Variants in COP1 observed in about 807,000 individuals in gnomAD.
COP1 encodes COP1 E3 ubiquitin ligase.
In COP1, 24 loss-of-function variants were observed where a neutral mutation model predicts 101.3. The ratio of observed to expected loss-of-function variants is 0.24; its 90% confidence interval spans 0.17 to 0.33. The LOEUF (loss-of-function observed/expected upper bound fraction) is 0.33. Ranked by LOEUF, COP1 falls within the 10% of genes least tolerant of loss-of-function variation. The probability of loss-of-function intolerance (pLI) is 1.00; values close to 1 mark genes in which losing one functional copy is unlikely to be tolerated. For synonymous variants in COP1, 347 were observed against 341.9 expected (o/e 1.01, Z -0.17); for missense variants, 663 against 906.2 (o/e 0.73, Z 3.45).
chr1:176,130,810 C>T (rs1688758263), intron 8 of COP1, among the ~76,000 whole-genome samples: 1 of 151,666 alleles, frequency 6.6e-6, no homozygotes, highest in Non-Finnish European at 1.5e-5. Flanking sequence ...GATTACAGTA[C>T]AGCATGGAAA....
intron 2 of COP1, among the ~76,000 whole-genome samples, chr1:176,181,163 C>A (rs1697693517): frequency 6.6e-6 from 1 of 152,046 alleles, no homozygotes; most frequent in South Asian, 2.1e-4. Context: ...GAAAGAAGTT[C>A]CTGCTATATT....
At chr1:176,039,940 T>A (rs1670228387) in intron 14 of COP1, among the ~76,000 whole-genome samples, 1 of 151,988 alleles carries the variant, frequency 6.6e-6, no homozygotes, top group South Asian at 2.1e-4. Flanking sequence ...ATATAGGAGC[T>A]TAAAACTATA....
chr1:175,980,048 T>A (rs1655439035), intron 18 of COP1, among the ~76,000 whole-genome samples: 1 of 152,164 alleles, frequency 6.6e-6, no homozygotes, highest in Non-Finnish European at 1.5e-5. Flanking sequence ...ACACTTTATG[T>A]GCATCACCAC....
chr1:176,096,058 CA>C (rs1346780245), intron 9 of COP1, among the ~76,000 whole-genome samples: 1 of 152,108 alleles, frequency 6.6e-6, no homozygotes, highest in Non-Finnish European at 1.5e-5. Context: ...CCTTTTTACC[CA>C]ATAAATTCCA....
At chr1:176,173,091 C>T (rs1696336101) in intron 3 of COP1, among the ~76,000 whole-genome samples, 1 of 151,954 alleles carries the variant, frequency 6.6e-6, no homozygotes, top group Non-Finnish European at 1.5e-5. Flanking sequence ...GGTGGGTGAT[C>T]ACGAGGTCAG....
chr1:176,000,274 T>C (rs1017124477), intron 15 of COP1, among the ~76,000 whole-genome samples: 1 of 152,120 alleles, frequency 6.6e-6, no homozygotes, highest in African/African-American at 2.4e-5. Context: ...TTGATTTTCA[T>C]ATATGGTGAC....
At chr1:175,993,841 C>T (rs925230530) in intron 15 of COP1, among the ~76,000 whole-genome samples, 4 of 152,174 alleles carry the variant, frequency 2.6e-5, no homozygotes, top group African/African-American at 4.8e-5. Flanking sequence ...TCCAGGAGAA[C>T]TTCCCCAATC....
At chr1:176,067,696 GGT>G (rs1676245448) in intron 11 of COP1, among the ~76,000 whole-genome samples, 1 of 152,136 alleles carries the variant, frequency 6.6e-6, no homozygotes, top group African/African-American at 2.4e-5. Flanking sequence ...CAATTTTTCT[GGT>G]ACACCAAGAC....
intron 5 of COP1, among the ~76,000 whole-genome samples, chr1:176,154,503 G>A (rs1156249987): frequency 2.0e-5 from 3 of 152,118 alleles, no homozygotes; most frequent in Non-Finnish European, 4.4e-5. Context: ...AATGAAGCCA[G>A]AAACCATTAT....
chr1:176,134,330 A>G (rs1016978655), intron 8 of COP1, among the ~76,000 whole-genome samples: 4 of 152,082 alleles, frequency 2.6e-5, no homozygotes, highest in Non-Finnish European at 4.4e-5. Flanking sequence ...CATTTCAAGC[A>G]TAAAAATTCA....
At chr1:176,188,907 A>G (rs183291513) in intron 1 of COP1, among the ~76,000 whole-genome samples, 1 of 152,086 alleles carries the variant, frequency 6.6e-6, no homozygotes, top group Non-Finnish European at 1.5e-5. Context: ...GAAATGTTCT[A>G]ACATACATGT....
chr1:176,130,955 C>T (rs1688781600), intron 8 of COP1, among the ~76,000 whole-genome samples: 2 of 151,722 alleles, frequency 1.3e-5, no homozygotes, highest in African/African-American at 4.8e-5. Flanking sequence ...AGGGAAATGG[C>T]ATCTGAAAAA....
At chr1:176,064,930 C>T (rs957392308) in intron 11 of COP1, among the ~76,000 whole-genome samples, 3 of 152,080 alleles carry the variant, frequency 2.0e-5, no homozygotes, top group African/African-American at 7.2e-5. Flanking sequence ...GCCTCCTTCC[C>T]TTTTTCAAGC....
At chr1:175,995,694 C>G (rs573136191) in intron 15 of COP1, among the ~76,000 whole-genome samples, 314 of 152,238 alleles carry the variant, frequency 2.1e-3, no homozygotes, top group African/African-American at 7.1e-3. Context: ...AAGACTAAAC[C>G]AGGAAGAAAT....
At chr1:175,980,651 A>C (rs890092393) in intron 18 of COP1, among the ~76,000 whole-genome samples, 5 of 151,910 alleles carry the variant, frequency 3.3e-5, no homozygotes, top group Admixed American at 2.0e-4. Flanking sequence ...GTCTCAAGCC[A>C]CAACAGAAAA....
chr1:176,206,086 C>T (rs1013873176), intron 1 of COP1, among the ~76,000 whole-genome samples: 3 of 152,180 alleles, frequency 2.0e-5, no homozygotes, highest in Non-Finnish European at 2.9e-5. Flanking sequence ...ATGTTTACAG[C>T]ATCATCTACC....
intron 1 of COP1, 90 bp downstream of exon 1, chr1:176,206,482 A>T: frequency 1.4e-6 from 2 of 1,480,362 alleles, no homozygotes; most frequent in Middle Eastern, 1.8e-4. Context: ...CTCTCCAACA[A>T]GCCACCCCCA....
chr1:176,189,582 T>C (rs963853896), intron 1 of COP1, among the ~76,000 whole-genome samples: 1 of 151,968 alleles, frequency 6.6e-6, no homozygotes, highest in Middle Eastern at 3.2e-3. Flanking sequence ...TACTACAAGA[T>C]ATATTAATGT....
At chr1:176,154,785 A>G (rs1378093066) in intron 5 of COP1, among the ~76,000 whole-genome samples, 1 of 152,210 alleles carries the variant, frequency 6.6e-6, no homozygotes, top group African/African-American at 2.4e-5. Flanking sequence ...CCTGAACTTA[A>G]AAGTTAAATA....
Sources: gnomAD v4.1 joint callset for allele counts (sites outside exome capture counted in the v4.1 genomes callset) on GRCh38, gnomAD v4.1.1 for gene constraint, MANE v1.5 for transcripts, NCBI Gene and HGNC (gene_info 2026-07-23, HGNC 2026-07-21) for gene names.